KIAA0586: variants seen among roughly 807,000 people sequenced by gnomAD.
KIAA0586 encodes the protein KIAA0586.
KIAA0586 carries 144 observed loss-of-function variants against 169.8 expected under a neutral mutation model. The observed-to-expected ratio is 0.85, with a 90% confidence interval of 0.74 to 0.97. The LOEUF is 0.97. Ranked by LOEUF, KIAA0586 falls within the 50% of genes least tolerant of loss-of-function variation. The probability of loss-of-function intolerance (pLI) is 0.00; values close to 1 mark genes in which losing one functional copy is unlikely to be tolerated. For missense variants in KIAA0586, 1,854 were observed against 1,823.0 expected (o/e 1.02, Z -0.31); for synonymous variants, 625 against 612.4 (o/e 1.02, Z -0.30).
chr14:58,514,387 G>A (rs944111318), intron 29 of KIAA0586, among the ~76,000 whole-genome samples: 1 of 151,980 alleles, frequency 6.6e-6, no homozygotes, highest in Non-Finnish European at 1.5e-5. Flanking sequence ...TATCACAGGG[G>A]AATTAAAACC....
rs1245794997 is a variant in KIAA0586 at position 58,456,767 on chromosome 14, A to G, written c.1319A>G (p.His440Arg). The G allele has an allele frequency of 1.2e-6, 2 of 1,604,878 alleles. No individual in the cohort carries two copies. The highest frequency in any genetic ancestry group is 1.3e-5 in the African/African-American group (1 of 74,844). ...ATGCAGAAGTCTGATGATGTTCTTC[A>G]TGACCTTGGCCAAAAAGAGAAAGAA... ...VTMQKSDDVL[H>R]DLGQKEKETN... The change falls in exon 10 of 31, where the codon CAT becomes CGT. Residue 440 changes from histidine (H) to arginine (R), a missense_variant. By Grantham distance (29) the His-to-Arg change is conservative. Coordinates refer to ENST00000652326, the MANE Select transcript of KIAA0586 (RefSeq NM_001329943.3).
intron 27 of KIAA0586, among the ~76,000 whole-genome samples, chr14:58,501,703 G>A (rs2043585961): frequency 6.6e-6 from 1 of 152,222 alleles, no homozygotes; most frequent in Admixed American, 6.5e-5. Flanking sequence ...TAGGCTTTGA[G>A]AGTTTCAGAA....
rs773960033 is a variant in KIAA0586 at position 58,442,813 on chromosome 14, T to C, written c.518T>C (p.Ile173Thr). The C allele has an allele frequency of 7.5e-6, 12 of 1,610,484 alleles. No homozygotes were observed. In the Admixed American group the frequency reaches 1.0e-4, roughly 14 times the overall value. The change falls in exon 5 of 31, where the codon ATT becomes ACT. Residue 173 changes from isoleucine to threonine, a missense_variant. Transcript: ENST00000652326. ...TQETRISPSG[I>T]DSATTVAAAT... is the part of the protein sequence containing the mutation. ...GAGACTAGAATTTCACCCAGTGGAA[T>C]TGATTCAGCTACAACCGTGGCTGCA...
upstream of KIAA0586, chr14:58,427,662 G>A (rs2036930918): frequency 5.9e-6 from 9 of 1,535,580 alleles, no homozygotes; most frequent in East Asian, 2.4e-5. Flanking sequence ...GCGCATGCGT[G>A]TTGTGTCTCA....
rs567959783 is a variant in KIAA0586 at position 58,524,501 on chromosome 14, G to A, written c.4429+11874G>A. On this transcript the variant is annotated intron_variant, in intron 29 of 30. Transcript: ENST00000652326. ...ATTAAACTAGTACCCGTGGTTATTC[G>A]GATGCAGAAGAGGGAGGACCACCCT... 5.9e-5 allele frequency among the ~76,000 whole-genome samples: 9 copies of A among 152,232 alleles called. No individual in the cohort carries two copies. The South Asian group carries it at 6.2e-4, about 11-fold the overall frequency.
intron 18 of KIAA0586, 43 bp downstream of exon 18, chr14:58,472,322 T>C (rs758828296): frequency 1.2e-5 from 14 of 1,165,638 alleles, no homozygotes; most frequent in Middle Eastern, 2.0e-4. Context: ...TTTCTACCGG[T>C]ATTTTTCCAG....
At chr14:58,554,777 C>T (rs1402039604), downstream of KIAA0586, among the ~76,000 whole-genome samples, 1 of 152,140 alleles carries the variant, frequency 6.6e-6, no homozygotes, top group Admixed American at 6.5e-5. Flanking sequence ...TTTCTATAAA[C>T]TTTTAAAATA....
At chr14:58,552,979 G>A (rs1258494926), downstream of KIAA0586, among the ~76,000 whole-genome samples, 2 of 152,164 alleles carry the variant, frequency 1.3e-5, no homozygotes, top group African/African-American at 4.8e-5. Context: ...TGTAATATAA[G>A]AGGTATTTCT....
In KIAA0586 at chr14:58,487,011, G is replaced by A. The variant is rs1472123420; in HGVS notation, c.3149G>A (p.Arg1050Lys). The change falls in exon 22 of 31, where the codon AGA becomes AAA. Residue 1050 changes from arginine (R) to lysine (K), a missense_variant. Physicochemically the swap from Arg to Lys is conservative, Grantham distance 26 (BLOSUM62 2). Transcript: ENST00000652326. ...ATCTTGTTTTATTTATTTTAGGCAAGAGTGTGCACCCCACTGCCTACCCCA... is the reference window on the plus strand; with the variant it reads ...ATCTTGTTTTATTTATTTTAGGCAAAAGTGTGCACCCCACTGCCTACCCCA... ...ASTNETYLPARVCTPLPTPQP... is the reference protein window; with the variant it reads ...ASTNETYLPAKVCTPLPTPQP... 6.9e-6 allele frequency: 11 copies of A among 1,593,830 alleles called. No homozygotes were observed. The highest frequency in any genetic ancestry group is 9.4e-6 in the Non-Finnish European group (11 of 1,172,802).
At chr14:58,476,807 A>G (rs1351287625) in intron 19 of KIAA0586, among the ~76,000 whole-genome samples, 1 of 151,666 alleles carries the variant, frequency 6.6e-6, no homozygotes, top group Non-Finnish European at 1.5e-5. Context: ...AGCTGGGACT[A>G]CAGGCACGTA....
At chr14:58,444,613 G>A (rs1194854352) in intron 6 of KIAA0586, among the ~76,000 whole-genome samples, 1 of 151,786 alleles carries the variant, frequency 6.6e-6, no homozygotes, top group East Asian at 1.9e-4. Flanking sequence ...TAGTAGAGGT[G>A]GGGTTTCACC....
At chr14:58,559,678 G>A in the KIAA0586 span, among the ~76,000 whole-genome samples, 4 of 152,132 alleles carry the variant, frequency 2.6e-5, no homozygotes, top group African/African-American at 9.7e-5. Context: ...GCCCTGGCCT[G>A]AGAAGCCTTG....
chr14:58,496,078 ATTGCT>A (rs2043141579), intron 26 of KIAA0586, among the ~76,000 whole-genome samples: 1 of 152,202 alleles, frequency 6.6e-6, no homozygotes, highest in Non-Finnish European at 1.5e-5. Flanking sequence ...AAGTTAAAAT[ATTGCT>A]TTGCTAAGTT....
chr14:58,515,192 A>G (rs1002228863), intron 29 of KIAA0586, among the ~76,000 whole-genome samples: 7 of 152,144 alleles, frequency 4.6e-5, no homozygotes, highest in African/African-American at 1.4e-4. Context: ...TTTGCTTGAA[A>G]AAAATCACAG....
chr14:58,505,452 A>G (rs1261566348), intron 27 of KIAA0586, among the ~76,000 whole-genome samples: 1 of 152,150 alleles, frequency 6.6e-6, no homozygotes. Context: ...TGTGTTTTAT[A>G]TACTCCTCCT....
chr14:58,477,033 G>A, intron 19 of KIAA0586, 90 bp from the exon 20 acceptor site: 1 of 646,192 alleles, frequency 1.5e-6, no homozygotes, highest in Non-Finnish European at 2.7e-6. Flanking sequence ...CATTGGTAAA[G>A]GTTATTTTTA....
At chr14:58,483,669 T>C (rs1046755191) in intron 21 of KIAA0586, among the ~76,000 whole-genome samples, 1 of 152,190 alleles carries the variant, frequency 6.6e-6, no homozygotes, top group African/African-American at 2.4e-5. Context: ...TCAGGAACTT[T>C]TATTGCTTGT....
intron 30 of KIAA0586, among the ~76,000 whole-genome samples, chr14:58,540,367 G>A (rs1443531466): frequency 6.6e-6 from 1 of 152,206 alleles, no homozygotes; most frequent in Non-Finnish European, 1.5e-5. Flanking sequence ...TTTATAAAAT[G>A]ATGAATTAAA....
At chr14:58,507,229 T>TAC (rs1253172448) in intron 27 of KIAA0586, among the ~76,000 whole-genome samples, 55 of 92,544 alleles carry the variant, frequency 5.9e-4, no homozygotes, top group African/African-American at 2.0e-3. Context: ...ATAAATCATC[T>TAC]ATATGTATGA....
Sources: allele counts gnomAD v4.1 joint callset (sites outside exome capture counted in the v4.1 genomes callset), GRCh38; gene constraint gnomAD v4.1.1; transcripts MANE v1.5; gene names NCBI Gene and HGNC (gene_info 2026-07-23, HGNC 2026-07-21).